The following HID1 variants were observed in gnomAD, a reference collection of about 807,000 sequenced individuals.
HID1 encodes the protein HID1 domain containing, also known as protein HID1.
Under a neutral mutation model 89.7 loss-of-function variants are expected in HID1, and 42 were observed. The ratio of observed to expected loss-of-function variants is 0.47; its 90% CI spans 0.37 to 0.61. The LOEUF (loss-of-function observed/expected upper bound fraction) is 0.61, where lower values mean the gene tolerates loss of function less well. HID1 is among the 20% of genes least tolerant of loss of function. The pLI, the probability that HID1 is intolerant of heterozygous loss-of-function variation, is 0.00. For synonymous variants in HID1, 442 were observed against 433.8 expected (o/e 1.02, Z -0.24); for missense variants, 854 against 1,039.3 (o/e 0.82, Z 2.45).
chr17:74,965,048 A>G (rs993649789), intron 1 of HID1, among the ~76,000 whole-genome samples: 12 of 152,208 alleles, frequency 7.9e-5, no homozygotes, highest in Non-Finnish European at 1.3e-4. Flanking sequence ...GACAAAGGTG[A>G]CTTGTACTCC....
Position 74,952,034 on chromosome 17 carries a change from C to T in HID1, c.2174G>A (p.Arg725Gln), listed in dbSNP as rs749002387. Residue 725 changes from arginine (R) to glutamine (Q), a missense_variant, in exon 18 of 19, where the codon CGG becomes CAG. Transcript: ENST00000425042. ...CACCAGGGTGCCATGCTGCAGGAACCGCAGGATCTCAGACTCATCCGTCAG... is the reference window on the plus strand; with the variant it reads ...CACCAGGGTGCCATGCTGCAGGAACTGCAGGATCTCAGACTCATCCGTCAG... ...KGLTDESEIL[R>Q]FLQHGTLVGL... The T allele has an allele frequency of 3.9e-5, 61 of 1,558,400 alleles. No homozygotes were observed. Among genetic ancestry groups the T allele is most frequent in the Non-Finnish European group, 2.8e-5 (32 of 1,150,734 alleles).
chr17:74,972,487 C>T lies in HID1; in HGVS notation c.66+104G>A. ...TGGCCTTGGCGTTACGCTCGGGGCC[C>T]GCCCGTCCCCCCATCTCCCGACGAG... On this transcript the variant is annotated intron_variant, in intron 1 of 18. Coordinates refer to ENST00000425042, the MANE Select transcript of HID1 (RefSeq NM_030630.3). This position sits in a 1 kb window ranked among gnomAD's most constrained non-coding sequence, Gnocchi z 6.4. 9.0e-7 allele frequency: 1 copy of T among 1,110,250 alleles called. No homozygotes were observed. The highest frequency in any genetic ancestry group is 1.3e-6 in the Non-Finnish European group (1 of 786,714). 68.8% of individuals were successfully genotyped at this position (1,110,250 alleles called of 1,614,324 possible).
In HID1 at chr17:74,962,184, C is replaced by A. The variant is rs534686840; in HGVS notation, c.611+50G>T. 6.7e-7 allele frequency: 1 copy of A among 1,481,910 alleles called. No homozygotes were observed. The highest frequency in any genetic ancestry group is 9.3e-7 in the Non-Finnish European group (1 of 1,074,632). 91.8% of individuals were successfully genotyped at this position (1,481,910 alleles called of 1,614,324 possible). On this transcript the variant is annotated intron_variant, in intron 5 of 18. Transcript: ENST00000425042. The surrounding 1 kb of genome is among the most constrained non-coding windows in gnomAD (Gnocchi z 4.3). The stretch of plus-strand genomic sequence containing the variant: ...GGGCTTTCTGAGCTGTGCGGGGGCC[C>A]GGCCCGGGGTCCAGCTGCATTGAGG...
intron 16 of HID1, 32 bp from the exon 17 acceptor site, chr17:74,952,392 A>C: frequency 6.4e-7 from 1 of 1,567,488 alleles, no homozygotes; most frequent in South Asian, 1.1e-5. Context: ...GGGGCTGAGA[A>C]AGCAGCCCCC....
At position 74,953,568 on chromosome 17, in the gene HID1, C is replaced by T; in HGVS notation, c.1948G>A (p.Glu650Lys). 4 of 1,614,042 alleles carry T rather than the reference C, an allele frequency of 2.5e-6. No homozygotes were observed. Among genetic ancestry groups the T allele is most frequent in the Non-Finnish European group, 3.4e-6 (4 of 1,179,960 alleles). ...ACCCCCTTAGCCGGGCTGCCATCCT[C>T]CAAGCTCTGCTGGGGCTCAGGTTCC... ...SLEPEPQQSL[E>K]DGSPAKGEPS... The change falls in exon 15 of 19, where the codon GAG becomes AAG. Residue 650 changes from glutamate (E) to lysine (K), a missense_variant. Physicochemically the swap from Glu to Lys is moderately conservative, Grantham distance 56 (BLOSUM62 1). Transcript: ENST00000425042.
At chr17:74,954,435 T>C in intron 13 of HID1, 70 bp from the exon 14 acceptor site, 4 of 1,544,114 alleles carry the variant, frequency 2.6e-6, no homozygotes, top group Non-Finnish European at 3.5e-6. Context: ...CTGGGTGGGC[T>C]TCCTGGAAGG....
In HID1 at chr17:74,960,237, G is replaced by T; in HGVS notation, c.740C>A (p.Pro247His). 1 of 1,609,808 alleles carries T rather than the reference G, an allele frequency of 6.2e-7. No homozygotes were observed. The change falls in exon 7 of 19, where the codon CCC becomes CAC. Residue 247 changes from proline (P) to histidine (H), a missense_variant. Coordinates refer to ENST00000425042, the MANE Select transcript of HID1 (RefSeq NM_030630.3). ...FCSTENRHALPLFTSLLNTVC... is the reference protein window; with the variant it reads ...FCSTENRHALHLFTSLLNTVC... ...GGTGTTGAGGAGGGAGGTGAAGAGG[G>T]GCAGGGCATGTCTGCAGCAGGAGAG...
rs2039665146 is a variant in HID1, at chr17:74,972,523, G to C, written c.66+68C>G. On this transcript the variant is annotated intron_variant, in intron 1 of 18. Coordinates refer to ENST00000425042, the MANE Select transcript of HID1 (RefSeq NM_030630.3). The surrounding 1 kb of genome is among the most constrained non-coding windows in gnomAD (Gnocchi z 6.4). The stretch of plus-strand genomic sequence containing the variant: ...CCATCTCCCGACGAGCCAAGTTCGC[G>C]TACCCCCGGCCCTGCCCAGCCCCCA... 2.1e-6 allele frequency: 3 copies of C among 1,419,954 alleles called. No individual in the cohort carries two copies. The highest frequency in any genetic ancestry group is 1.5e-5 in the African/African-American group (1 of 68,802). 88.0% of individuals were successfully genotyped at this position (1,419,954 alleles called of 1,614,324 possible). A position where few individuals can be genotyped will look rare whatever the true frequency, so the allele number is the denominator to read the frequency against.
At chr17:74,971,410 T>C (rs2144835813) in intron 1 of HID1, among the ~76,000 whole-genome samples, 1 of 152,336 alleles carries the variant, frequency 6.6e-6, no homozygotes, top group South Asian at 2.1e-4. Context: ...TCAAGAGCCT[T>C]TCAGCCGGGG....
In HID1 at chr17:74,972,305, G is replaced by A. The variant is rs997994200; in HGVS notation, c.66+286C>T. On this transcript the variant is annotated intron_variant, in intron 1 of 18. Transcript: ENST00000425042. The surrounding 1 kb of genome is among the most constrained non-coding windows in gnomAD (Gnocchi z 6.4). ...CGCGGGGCGGGACAGGGGGCGGACA[G>A]CTGTGTCGCCGGCTCGGGGAGTAGG... Among the ~76,000 whole-genome samples the A allele has an allele frequency of 3.9e-5, 6 of 152,116 alleles. No individual in the cohort carries two copies. The highest frequency in any genetic ancestry group is 1.4e-4 in the African/African-American group (6 of 41,402).
In HID1 at chr17:74,958,853, C is replaced by CG. The variant is rs1393342113; in HGVS notation, c.1149+57dup. ...CTCAGTCTGACACTGTCCCTGCCCC[C>CG]GGGTTATTGGGGCAGCTGCTCTCCA... On this transcript the variant is annotated intron_variant, in intron 9 of 18. Transcript: ENST00000425042. This position sits in a 1 kb window ranked among gnomAD's most constrained non-coding sequence, Gnocchi z 5.2. 1.2e-5 allele frequency: 19 copies of CG among 1,581,568 alleles called. No individual in the cohort carries two copies. Among genetic ancestry groups the CG allele is most frequent in the Non-Finnish European group, 1.6e-5 (19 of 1,162,782 alleles).
chr17:74,953,149 G>A, intron 15 of HID1, 63 bp from the exon 16 acceptor site: 4 of 1,286,736 alleles, frequency 3.1e-6, no homozygotes, highest in East Asian at 2.5e-5. Context: ...GGAGTGGGGG[G>A]CAATGAGCCC....
Position 74,952,064 on chromosome 17 carries a change from C to A in HID1, c.2145-1G>T. 1 of 1,556,168 alleles carries A rather than the reference C, an allele frequency of 6.4e-7. No homozygotes were observed. The highest frequency in any genetic ancestry group is 2.4e-5 in the East Asian group (1 of 41,992). ...GATCTCAGACTCATCCGTCAGGCCC[C>A]TGCGGGGAGAGGGGTATCTCCAGCA... On this transcript the variant is annotated splice_acceptor_variant, in intron 17 of 18. Coordinates refer to ENST00000425042, the MANE Select transcript of HID1 (RefSeq NM_030630.3). LOFTEE classifies it high-confidence loss of function.
rs374245335 is a variant in HID1 at position 74,962,177 on chromosome 17, G to C, written c.611+57C>G. The C allele has an allele frequency of 6.9e-7, 1 of 1,441,806 alleles. No individual in the cohort carries two copies. Among genetic ancestry groups the C allele is most frequent in the African/African-American group, 1.4e-5 (1 of 71,286 alleles). 89.3% of individuals were successfully genotyped at this position (1,441,806 alleles called of 1,614,324 possible). On this transcript the variant is annotated intron_variant, in intron 5 of 18. Transcript: ENST00000425042. The surrounding 1 kb of genome is among the most constrained non-coding windows in gnomAD (Gnocchi z 4.3). ...ACCCCATGGGCTTTCTGAGCTGTGC[G>C]GGGGCCCGGCCCGGGGTCCAGCTGC... is the stretch of plus-strand genomic sequence containing the variant.
In HID1 at chr17:74,958,655, C is replaced by T. The variant is rs2039431619; in HGVS notation, c.1240+18G>A. The T allele has an allele frequency of 4.7e-6, 7 of 1,482,964 alleles. No individual in the cohort carries two copies. The highest frequency in any genetic ancestry group is 6.6e-6 in the Non-Finnish European group (7 of 1,062,428). 91.9% of individuals were successfully genotyped at this position (1,482,964 alleles called of 1,614,324 possible). A position where few individuals can be genotyped will look rare whatever the true frequency, so the allele number is the denominator to read the frequency against. On this transcript the variant is annotated intron_variant, in intron 10 of 18. Transcript: ENST00000425042. This position sits in a 1 kb window ranked among gnomAD's most constrained non-coding sequence, Gnocchi z 5.2. ...CGCCAGGAAAGCCCCCAGCATCCCA[C>T]CCCCACCCTGGTCTTACACTGATCG...
chr17:74,952,063 C>A lies in HID1; in HGVS notation c.2145G>T (p.Lys715Asn). The change falls in exon 18 of 19, where the codon AAG becomes AAT. Residue 715 changes from lysine (K) to asparagine (N), a missense_variant and splice_region_variant. Lys to Asn is a moderately conservative substitution (Grantham distance 94, BLOSUM62 0). Transcript: ENST00000425042. ...VPQVEKICID[K>N]GLTDESEILR... The stretch of plus-strand genomic sequence containing the variant: ...GGATCTCAGACTCATCCGTCAGGCC[C>A]CTGCGGGGAGAGGGGTATCTCCAGC... 1 of 1,556,164 alleles carries A rather than the reference C, an allele frequency of 6.4e-7. No individual in the cohort carries two copies. The highest frequency in any genetic ancestry group is 2.4e-5 in the East Asian group (1 of 41,972).
At chr17:74,954,604 T>G in intron 13 of HID1, 5 of 645,086 alleles carry the variant, frequency 7.8e-6, no homozygotes, top group Non-Finnish European at 1.3e-5. Flanking sequence ...CCCGCCCCAG[T>G]GCCTTTGAGT....
intron 13 of HID1, among the ~76,000 whole-genome samples, chr17:74,955,331 C>A (rs1212844539): frequency 6.6e-6 from 1 of 151,746 alleles, no homozygotes; most frequent in Non-Finnish European, 1.5e-5. Flanking sequence ...GATTGCTTGT[C>A]TCTATTAAAA....
chr17:74,957,555 T>C (rs2039408226), intron 12 of HID1, among the ~76,000 whole-genome samples: 1 of 150,134 alleles, frequency 6.7e-6, no homozygotes, highest in African/African-American at 2.5e-5. Flanking sequence ...GTGGCTCCCA[T>C]AAACTGGGCT....
Sources: gnomAD v4.1 joint callset for allele counts (sites outside exome capture counted in the v4.1 genomes callset) on GRCh38, gnomAD v4.1.1 for gene constraint, Gnocchi (gnomAD v3.1) non-coding constraint, MANE v1.5 for transcripts, NCBI Gene and HGNC (gene_info 2026-07-23, HGNC 2026-07-21) for gene names.